KPNA1: variants seen among roughly 807,000 people sequenced by gnomAD.
The protein encoded by KPNA1 is karyopherin subunit alpha 1.
In KPNA1, 10 loss-of-function variants were observed where a neutral mutation model predicts 70.5. The ratio of observed to expected loss-of-function variants is 0.14; its 90% CI spans 0.09 to 0.24. The LOEUF (loss-of-function observed/expected upper bound fraction) is 0.24, where lower values mean the gene tolerates loss of function less well. Ranked by LOEUF, KPNA1 falls within the 10% of genes least tolerant of loss-of-function variation. The pLI is 1.00. For synonymous variants in KPNA1, 192 were observed against 221.9 expected, an observed-to-expected ratio of 0.87 and a Z score of 1.20; for missense variants, 397 against 637.9, an observed-to-expected ratio of 0.62 and a Z score of 4.07.
intron 2 of KPNA1, among the ~76,000 whole-genome samples, chr3:122,482,024 A>T (rs186881160): frequency 8.0e-4 from 122 of 152,356 alleles, no homozygotes; most frequent in African/African-American, 2.7e-3. Flanking sequence ...AAAGAGAGAG[A>T]ACTTCCTTAA....
intron 1 of KPNA1, among the ~76,000 whole-genome samples, chr3:122,506,448 C>G (rs1222208618): frequency 1.3e-5 from 2 of 151,962 alleles, no homozygotes; most frequent in Non-Finnish European, 2.9e-5. Flanking sequence ...GATAGTAGGT[C>G]CGTTTAAAAT....
chr3:122,476,872 A>AAAAAAAAAAAAAAC, intron 2 of KPNA1, among the ~76,000 whole-genome samples: 2 of 150,226 alleles, frequency 1.3e-5, no homozygotes, highest in Non-Finnish European at 3.0e-5. Flanking sequence ...AAAAAAAAAA[A>AAAAAAAAAAAAAAC]AAAAAAAAAA....
At chr3:122,438,215 C>G (rs1029926018) in intron 10 of KPNA1, among the ~76,000 whole-genome samples, 6 of 152,148 alleles carry the variant, frequency 3.9e-5, no homozygotes, top group African/African-American at 1.4e-4. Flanking sequence ...TTTGCTCCTG[C>G]TCACGTCACA....
intron 2 of KPNA1, among the ~76,000 whole-genome samples, chr3:122,495,175 G>A (rs1050336803): frequency 8.7e-5 from 13 of 149,242 alleles, no homozygotes; most frequent in African/African-American, 3.2e-4. Flanking sequence ...GCTTGAACCT[G>A]GGAGGTGGAG....
chr3:122,512,057 A>G (rs2076961014), intron 1 of KPNA1, among the ~76,000 whole-genome samples: 1 of 152,232 alleles, frequency 6.6e-6, no homozygotes, highest in South Asian at 2.1e-4. Flanking sequence ...AACAACTGAC[A>G]GCAATTCCAG....
chr3:122,481,814 G>A (rs1316117934), intron 2 of KPNA1, among the ~76,000 whole-genome samples: 2 of 152,114 alleles, frequency 1.3e-5, no homozygotes, highest in Non-Finnish European at 2.9e-5. Context: ...TAATGATCAA[G>A]GAGTCAATTC....
chr3:122,442,348 A>C (rs893124294), intron 9 of KPNA1, among the ~76,000 whole-genome samples: 1 of 152,144 alleles, frequency 6.6e-6, no homozygotes, highest in Admixed American at 6.5e-5. Context: ...TTTCCTAGGA[A>C]TCTTTCCCAG....
intron 10 of KPNA1, among the ~76,000 whole-genome samples, chr3:122,439,702 G>C (rs1244068921): frequency 6.6e-6 from 1 of 152,154 alleles, no homozygotes; most frequent in East Asian, 1.9e-4. Context: ...AAATTGAGAA[G>C]AGTAACTGCT....
Position 122,427,718 on chromosome 3 carries a change from T to C in KPNA1, c.1251-2A>G. On this transcript the variant is annotated splice_acceptor_variant, in intron 12 of 13. Transcript: ENST00000344337. LOFTEE classifies it high-confidence loss of function. The stretch of plus-strand genomic sequence containing the variant: ...ATACAACCCAGTTCTACTAGGTACC[T>C]AAATACAAAGAATAATGTAGTCAAA... 1 of 1,559,360 alleles carries C rather than the reference T, an allele frequency of 6.4e-7. No homozygotes were observed. The highest frequency in any genetic ancestry group is 1.7e-4 in the Middle Eastern group (1 of 5,856).
At chr3:122,500,032 A>C (rs1378811590) in intron 1 of KPNA1, among the ~76,000 whole-genome samples, 2 of 152,080 alleles carry the variant, frequency 1.3e-5, no homozygotes, top group Non-Finnish European at 2.9e-5. Flanking sequence ...CCTCTTATTG[A>C]GTCAGTTTTG....
chr3:122,460,316 G>A, intron 5 of KPNA1: 1 of 985,090 alleles, frequency 1.0e-6, no homozygotes, highest in Non-Finnish European at 1.2e-6. Flanking sequence ...AGAGTCAGCT[G>A]ACTGTTGGTT....
chr3:122,459,459 T>G (rs2076298815), intron 5 of KPNA1: 36 of 985,294 alleles, frequency 3.7e-5, no homozygotes, highest in Non-Finnish European at 4.3e-5. Context: ...CTACAAAGCA[T>G]TTCAAATGAT....
chr3:122,461,807 T>TA (rs1157782909), intron 4 of KPNA1, among the ~76,000 whole-genome samples: 1 of 152,236 alleles, frequency 6.6e-6, no homozygotes, highest in East Asian at 1.9e-4. Flanking sequence ...CTTGCCAACT[T>TA]AGTCTCACTT....
chr3:122,507,834 C>T (rs1476229173), intron 1 of KPNA1, among the ~76,000 whole-genome samples: 1 of 151,338 alleles, frequency 6.6e-6, no homozygotes, highest in East Asian at 1.9e-4. Context: ...AATTTTTAAT[C>T]GCAAAAACTT....
intron 11 of KPNA1, 107 bp from the exon 12 acceptor site, chr3:122,433,895 C>A: frequency 1.2e-6 from 1 of 818,118 alleles, no homozygotes. Flanking sequence ...ACCCCTTCTC[C>A]TGTCAGAAAT....
chr3:122,488,831 G>A (rs1310471075), intron 2 of KPNA1, among the ~76,000 whole-genome samples: 1 of 152,126 alleles, frequency 6.6e-6, no homozygotes, highest in Non-Finnish European at 1.5e-5. Flanking sequence ...TGAGCAGTTT[G>A]GCTATGATAT....
Position 122,489,447 on chromosome 3 carries a change from G to A in KPNA1, c.129+6990C>T, listed in dbSNP as rs944458718. On this transcript the variant is annotated intron_variant, in intron 2 of 13. Coordinates refer to ENST00000344337, the MANE Select transcript of KPNA1 (RefSeq NM_002264.4). Reference sequence around the variant, plus strand: ...GACTATAGCGTGCGCCACTAAGCCTGGCTAAGTTTTTTATTTATTTATCTT... The same window carrying A: ...GACTATAGCGTGCGCCACTAAGCCTAGCTAAGTTTTTTATTTATTTATCTT... 3.3e-5 allele frequency among the ~76,000 whole-genome samples: 5 copies of A among 151,822 alleles called. No individual in the cohort carries two copies. The East Asian group carries it at 5.8e-4, about 18-fold the overall frequency.
intron 1 of KPNA1, among the ~76,000 whole-genome samples, chr3:122,503,468 T>G (rs936590058): frequency 1.3e-5 from 2 of 152,212 alleles, no homozygotes; most frequent in Non-Finnish European, 2.9e-5. Context: ...TAAAGTGTCA[T>G]AGGCAGCAAG....
chr3:122,499,018 G>A (rs1327694589), intron 1 of KPNA1, among the ~76,000 whole-genome samples: 1 of 152,098 alleles, frequency 6.6e-6, no homozygotes, highest in Non-Finnish European at 1.5e-5. Flanking sequence ...TTAATTCTCA[G>A]ACTGTTCACA....
Sources: gnomAD v4.1 joint callset for allele counts (sites outside exome capture counted in the v4.1 genomes callset) on GRCh38, gnomAD v4.1.1 for gene constraint, MANE v1.5 for transcripts, NCBI Gene and HGNC (gene_info 2026-07-23, HGNC 2026-07-21) for gene names.